The following DGKB variants were observed in gnomAD, a reference collection of about 807,000 sequenced individuals.
DGKB encodes 90 kDa diacylglycerol kinase.
In DGKB, 67 loss-of-function variants were observed where a neutral mutation model predicts 114.3. That is an observed-to-expected ratio of 0.59 (90% CI 0.48 to 0.72). The LOEUF is 0.72. DGKB is among the 30% of genes least tolerant of loss of function. The probability of loss-of-function intolerance (pLI) is 0.00; values close to 1 mark genes in which losing one functional copy is unlikely to be tolerated. For missense variants in DGKB, 907 were observed against 975.2 expected (o/e 0.93, Z 0.93); for synonymous variants, 398 against 323.1 (o/e 1.23, Z -2.49).
intron 21 of DGKB, among the ~76,000 whole-genome samples, chr7:14,454,911 A>G (rs1297325158): frequency 1.3e-5 from 2 of 152,082 alleles, no homozygotes; most frequent in Non-Finnish European, 2.9e-5. Context: ...CTACTCTCAT[A>G]GGTGATGAAA....
At chr7:14,953,787 A>G (rs1168112426) in intron 1 of DGKB, among the ~76,000 whole-genome samples, 1 of 152,158 alleles carries the variant, frequency 6.6e-6, no homozygotes, top group Non-Finnish European at 1.5e-5. Flanking sequence ...AGAACTGTAA[A>G]GAATCCAAAT....
chr7:14,195,793 C>T (rs1396719526), intron 23 of DGKB, among the ~76,000 whole-genome samples: 1 of 152,116 alleles, frequency 6.6e-6, no homozygotes, highest in African/African-American at 2.4e-5. Context: ...AAGTGATTTA[C>T]AGTAAACATT....
chr7:14,301,886 G>T (rs1803623812), intron 23 of DGKB, among the ~76,000 whole-genome samples: 1 of 152,094 alleles, frequency 6.6e-6, no homozygotes, highest in African/African-American at 2.4e-5. Context: ...TGAGTCCAGG[G>T]TCTACCAAAG....
chr7:14,763,500 G>C (rs1337893996), intron 2 of DGKB, among the ~76,000 whole-genome samples: 3 of 151,986 alleles, frequency 2.0e-5, no homozygotes, highest in Non-Finnish European at 2.9e-5. Context: ...TACCTACTTA[G>C]GATCACACAG....
At chr7:14,235,266 C>CTA in intron 23 of DGKB, among the ~76,000 whole-genome samples, 1 of 151,890 alleles carries the variant, frequency 6.6e-6, no homozygotes, top group Admixed American at 6.6e-5. Flanking sequence ...TGTTCATTGT[C>CTA]CCGCACTGTT....
At chr7:14,455,509 T>A (rs1832152694) in intron 21 of DGKB, among the ~76,000 whole-genome samples, 1 of 152,026 alleles carries the variant, frequency 6.6e-6, no homozygotes, top group African/African-American at 2.4e-5. Context: ...AGAAATTACA[T>A]GACATTTCCA....
At chr7:14,937,913 C>G (rs1785361295) in intron 1 of DGKB, among the ~76,000 whole-genome samples, 1 of 152,170 alleles carries the variant, frequency 6.6e-6, no homozygotes, top group Non-Finnish European at 1.5e-5. Context: ...TTTCTCTTCT[C>G]TAGCTTACTT....
At chr7:14,900,114 C>T (rs990716907) in intron 1 of DGKB, among the ~76,000 whole-genome samples, 2 of 152,108 alleles carry the variant, frequency 1.3e-5, no homozygotes, top group African/African-American at 4.8e-5. Flanking sequence ...ACTACTCATT[C>T]GTTGTGTGAC....
intron 23 of DGKB, among the ~76,000 whole-genome samples, chr7:14,288,146 A>T (rs1380098680): frequency 6.6e-6 from 1 of 151,380 alleles, no homozygotes; most frequent in South Asian, 2.1e-4. Flanking sequence ...TTTCTTGTAT[A>T]TAAGAAATTA....
chr7:14,580,924 G>T lies in DGKB; in HGVS notation c.1547C>A (p.Pro516Gln), dbSNP rs745455162. 1 of 1,604,246 alleles carries T rather than the reference G, an allele frequency of 6.2e-7. No homozygotes were observed. The highest frequency in any genetic ancestry group is 8.5e-7 in the Non-Finnish European group (1 of 1,173,300). ...AGTCCCAAGAGGCAGAATCGCAACT[G>T]GAGGATGCTTGCCTACATTGGCCTT... The part of the protein sequence containing the change: ...IEKANVGKHP[P>Q]VAILPLGTGN... Residue 516 changes from proline to glutamine, a missense_variant, in exon 19 of 26, where the codon CCA becomes CAA. Physicochemically the swap from Pro to Gln is moderately conservative, Grantham distance 76. Around this residue, in one of 3 missense-constraint regions of DGKB, gnomAD observed 814 missense variants for 856.6 expected, o/e 0.95. Coordinates refer to ENST00000402815, the MANE Select transcript of DGKB (RefSeq NM_001350709.2).
At chr7:14,181,764 T>C (rs927826516) in intron 23 of DGKB, among the ~76,000 whole-genome samples, 4 of 152,202 alleles carry the variant, frequency 2.6e-5, no homozygotes, top group Non-Finnish European at 5.9e-5. Context: ...GTTGCTTTTG[T>C]TCAGTTTAAT....
At chr7:14,315,217 G>T (rs1448652541) in intron 23 of DGKB, among the ~76,000 whole-genome samples, 1 of 147,546 alleles carries the variant, frequency 6.8e-6, no homozygotes, top group Non-Finnish European at 1.5e-5. Context: ...GGAAGAAACT[G>T]CATCAACTAA....
At chr7:14,440,158 T>C (rs988864304) in intron 21 of DGKB, among the ~76,000 whole-genome samples, 3 of 152,092 alleles carry the variant, frequency 2.0e-5, no homozygotes, top group African/African-American at 4.8e-5. Context: ...GAGGTAACGA[T>C]TGGTCAGCTG....
At chr7:14,771,924 C>T (rs1218492234) in intron 2 of DGKB, among the ~76,000 whole-genome samples, 1 of 152,062 alleles carries the variant, frequency 6.6e-6, no homozygotes, top group Non-Finnish European at 1.5e-5. Flanking sequence ...TTTCTCTGCA[C>T]AGTAATACTT....
At chr7:14,259,407 C>CTATA (rs71975347) in intron 23 of DGKB, among the ~76,000 whole-genome samples, 45 of 108,208 alleles carry the variant, frequency 4.2e-4, no homozygotes, top group African/African-American at 1.4e-3. Flanking sequence ...CTCTCTCTCT[C>CTATA]TATATATATA....
intron 2 of DGKB, among the ~76,000 whole-genome samples, chr7:14,840,739 CACACA>C (rs767141990): frequency 1.2e-3 from 178 of 143,560 alleles, no homozygotes; most frequent in Middle Eastern, 3.5e-3. Flanking sequence ...CACACACACA[CACACA>C]CCTCTCCCTT....
intron 1 of DGKB, among the ~76,000 whole-genome samples, chr7:14,858,364 A>G (rs1315384753): frequency 6.6e-6 from 1 of 152,220 alleles, no homozygotes; most frequent in Non-Finnish European, 1.5e-5. Context: ...TCAAAGAAAA[A>G]TTATGAACAT....
At chr7:14,358,246 G>C (rs1814976686) in intron 21 of DGKB, among the ~76,000 whole-genome samples, 1 of 151,962 alleles carries the variant, frequency 6.6e-6, no homozygotes, top group Admixed American at 6.6e-5. Flanking sequence ...ATGTAGATTT[G>C]GTCTTTTCAC....
At chr7:14,924,305 A>G (rs1372010607) in intron 1 of DGKB, among the ~76,000 whole-genome samples, 1 of 152,064 alleles carries the variant, frequency 6.6e-6, no homozygotes, top group Non-Finnish European at 1.5e-5. Context: ...CTGTCAGTCA[A>G]ATTGTGATTT....
Sources: allele counts gnomAD v4.1 joint callset (sites outside exome capture counted in the v4.1 genomes callset), GRCh38; gene constraint gnomAD v4.1.1; regional missense constraint gnomAD v4.1.1; transcripts MANE v1.5; gene names NCBI Gene and HGNC (gene_info 2026-07-23, HGNC 2026-07-21).